Variants in PRKAR1B observed in about 807,000 individuals in gnomAD.
PRKAR1B encodes cAMP-dependent protein kinase type I-beta regulatory subunit.
A neutral mutation model predicts 46.5 loss-of-function variants in PRKAR1B; 22 were observed. That is an observed-to-expected ratio of 0.47 (90% CI 0.34 to 0.68). The LOEUF is 0.68. Ranked by LOEUF, PRKAR1B falls within the 30% of genes least tolerant of loss-of-function variation. PRKAR1B has a pLI of 0.01. For synonymous variants in PRKAR1B, 259 were observed against 217.7 expected (o/e 1.19, Z -1.67); for missense variants, 445 against 535.6 (o/e 0.83, Z 1.67).
chr7:648,577 C>T (rs1295413228), intron 4 of PRKAR1B, among the ~76,000 whole-genome samples: 1 of 152,178 alleles, frequency 6.6e-6, no homozygotes, highest in Non-Finnish European at 1.5e-5. Context: ...CGCCACCGCA[C>T]TCCAGCCTGG....
intron 4 of PRKAR1B, among the ~76,000 whole-genome samples, chr7:659,073 A>C (rs979251444): frequency 1.3e-5 from 2 of 152,168 alleles, no homozygotes; most frequent in Non-Finnish European, 2.9e-5. Flanking sequence ...CTCTGCGGAG[A>C]TGTGCAGGAC....
chr7:570,905 C>T (rs1583221279), intron 9 of PRKAR1B, among the ~76,000 whole-genome samples: 3 of 152,188 alleles, frequency 2.0e-5, no homozygotes, highest in South Asian at 2.1e-4. Context: ...CTCTCTGTGT[C>T]GGGTCCTGCT....
intron 2 of PRKAR1B, among the ~76,000 whole-genome samples, chr7:704,513 C>G (rs780457994): frequency 6.6e-6 from 1 of 152,218 alleles, no homozygotes; most frequent in Non-Finnish European, 1.5e-5. Flanking sequence ...CGGTGGCTCA[C>G]GCCTGTAATC....
chr7:697,613 T>C (rs967376410), intron 2 of PRKAR1B, among the ~76,000 whole-genome samples: 2 of 151,922 alleles, frequency 1.3e-5, no homozygotes, highest in Non-Finnish European at 2.9e-5. Flanking sequence ...GCCAGTTGTA[T>C]TTGAGGACCA....
At chr7:572,786 C>G (rs1230799487) in intron 9 of PRKAR1B, among the ~76,000 whole-genome samples, 1 of 152,188 alleles carries the variant, frequency 6.6e-6, no homozygotes, top group African/African-American at 2.4e-5. Context: ...GCTCCGTGGC[C>G]CTACAGGGAT....
chr7:695,554 T>C lies in PRKAR1B; in HGVS notation c.178-14828A>G, dbSNP rs373656953. Among the ~76,000 whole-genome samples the C allele has an allele frequency of 2.0e-5, 3 of 152,108 alleles. No individual in the cohort carries two copies. The South Asian group carries it at 6.2e-4, about 32-fold the overall frequency. ...GAGGCAGAAACAGTTTCAAGTGAGA[T>C]GGGCGAGGTCACAAGACAGAGCCCA... On this transcript the variant is annotated intron_variant, in intron 2 of 10. Coordinates refer to ENST00000537384, the MANE Select transcript of PRKAR1B (RefSeq NM_001164760.2).
chr7:705,821 G>A (rs1780294146), intron 2 of PRKAR1B, among the ~76,000 whole-genome samples: 1 of 152,170 alleles, frequency 6.6e-6, no homozygotes, highest in Non-Finnish European at 1.5e-5. Context: ...GAGGTCAGGA[G>A]TTCAAGACCA....
intron 2 of PRKAR1B, among the ~76,000 whole-genome samples, chr7:701,125 T>A (rs988380542): frequency 1.3e-5 from 2 of 149,654 alleles, no homozygotes; most frequent in Non-Finnish European, 3.0e-5. Flanking sequence ...GAGGCAGAGG[T>A]TACAGTAAGC....
chr7:584,006 A>G (rs1027224382), intron 8 of PRKAR1B, among the ~76,000 whole-genome samples: 1 of 151,844 alleles, frequency 6.6e-6, no homozygotes. Context: ...CACACCTGAA[A>G]CCCCAGCCTG....
intron 4 of PRKAR1B, among the ~76,000 whole-genome samples, chr7:617,088 G>C (rs1782865241): frequency 1.4e-5 from 2 of 145,632 alleles, no homozygotes. Context: ...CCACCTCCCA[G>C]GTTCAAGCAA....
intron 7 of PRKAR1B, among the ~76,000 whole-genome samples, chr7:589,522 A>G (rs970113150): frequency 1.3e-5 from 2 of 152,066 alleles, no homozygotes; most frequent in Non-Finnish European, 2.9e-5. Flanking sequence ...CCCGAGATCC[A>G]CACTTTCAGC....
At chr7:557,796 A>G (rs1361322919) in intron 9 of PRKAR1B, among the ~76,000 whole-genome samples, 1 of 152,128 alleles carries the variant, frequency 6.6e-6, no homozygotes, top group African/African-American at 2.4e-5. Context: ...TCTCAGGAGG[A>G]TTGAGAGTCT....
At chr7:658,041 G>C (rs562800228) in intron 4 of PRKAR1B, among the ~76,000 whole-genome samples, 1 of 152,276 alleles carries the variant, frequency 6.6e-6, no homozygotes, top group Admixed American at 6.5e-5. Context: ...CACAGGCCGA[G>C]ACAGCAGCTC....
chr7:561,427 T>C (rs1778791944), intron 9 of PRKAR1B, among the ~76,000 whole-genome samples: 1 of 152,232 alleles, frequency 6.6e-6, no homozygotes, highest in Admixed American at 6.5e-5. Context: ...TTTTTCCACA[T>C]GGAAGGCAAT....
At chr7:650,580 G>A (rs1784851222) in intron 4 of PRKAR1B, among the ~76,000 whole-genome samples, 1 of 152,136 alleles carries the variant, frequency 6.6e-6, no homozygotes, top group African/African-American at 2.4e-5. Context: ...CCCTGCACAC[G>A]TCCCGCCATT....
intron 7 of PRKAR1B, among the ~76,000 whole-genome samples, chr7:592,301 G>A (rs112653255): frequency 0.12 from 18,407 of 152,262 alleles, 1,408 homozygotes; most frequent in Non-Finnish European, 0.16. Context: ...GGGACCCTCC[G>A]TGACCTTAGC....
chr7:706,585 ATTTT>A (rs754034242), intron 2 of PRKAR1B, among the ~76,000 whole-genome samples: 1 of 113,766 alleles, frequency 8.8e-6, no homozygotes, highest in Non-Finnish European at 1.7e-5. Flanking sequence ...TGCCCAGCTA[ATTTT>A]TTTTTTTTTT....
At chr7:626,099 A>T (rs902697657) in intron 4 of PRKAR1B, among the ~76,000 whole-genome samples, 1 of 152,206 alleles carries the variant, frequency 6.6e-6, no homozygotes, top group Non-Finnish European at 1.5e-5. Context: ...TGAAATACAC[A>T]ATCTACTAAA....
At chr7:590,926 G>A (rs1780938106) in intron 7 of PRKAR1B, among the ~76,000 whole-genome samples, 1 of 152,180 alleles carries the variant, frequency 6.6e-6, no homozygotes, top group South Asian at 2.1e-4. Context: ...CCCGAGAGCG[G>A]AGAGCGGGCC....
Sources: allele counts gnomAD v4.1 joint callset (sites outside exome capture counted in the v4.1 genomes callset), GRCh38; gene constraint gnomAD v4.1.1; transcripts MANE v1.5; gene names NCBI Gene and HGNC (gene_info 2026-07-23, HGNC 2026-07-21).